ARMC2: variants seen among roughly 807,000 people sequenced by gnomAD.
ARMC2 encodes the protein armadillo repeat containing 2.
In ARMC2, 67 loss-of-function variants were observed where a neutral mutation model predicts 90.3. The observed-to-expected ratio is 0.74, with a 90% CI of 0.61 to 0.91. The LOEUF is 0.91. ARMC2 is among the 40% of genes least tolerant of loss of function. The probability of loss-of-function intolerance (pLI) is 0.00; values close to 1 mark genes in which losing one functional copy is unlikely to be tolerated. For synonymous variants in ARMC2, 393 were observed against 393.0 expected, an observed-to-expected ratio of 1.00 and a Z score of 0.00; for missense variants, 920 against 1,030.9, an observed-to-expected ratio of 0.89 and a Z score of 1.47.
chr6:109,000,548 T>G, the ARMC2 span: 2 of 1,611,398 alleles, frequency 1.2e-6, no homozygotes, highest in African/African-American at 2.7e-5. Context: ...TGTTAAGTTC[T>G]CCTAAATTCT....
the ARMC2 span, among the ~76,000 whole-genome samples, chr6:109,040,298 T>C: frequency 6.6e-6 from 1 of 152,006 alleles, no homozygotes; most frequent in Non-Finnish European, 1.5e-5. Flanking sequence ...AATACACCTT[T>C]TTGAACAAAT....
At chr6:108,924,462 G>A (rs1774916941) in intron 10 of ARMC2, among the ~76,000 whole-genome samples, 1 of 151,880 alleles carries the variant, frequency 6.6e-6, no homozygotes, top group African/African-American at 2.4e-5. Flanking sequence ...AGGTTGCAGT[G>A]AGCCGAGATC....
chr6:108,964,789 C>CAA, intron 16 of ARMC2, among the ~76,000 whole-genome samples, 191 bp from the exon 17 acceptor site: 1 of 132,476 alleles, frequency 7.5e-6, no homozygotes, highest in South Asian at 2.4e-4. Context: ...GACTCTGTCT[C>CAA]AAAAAAAAAA....
At chr6:108,970,273 G>T (rs1240222488) in intron 17 of ARMC2, among the ~76,000 whole-genome samples, 1 of 151,924 alleles carries the variant, frequency 6.6e-6, no homozygotes, top group Admixed American at 6.6e-5. Context: ...TTAACTATAG[G>T]CTGGGCCTCA....
In ARMC2 at chr6:108,881,511, T is replaced by C. The variant is rs538007877; in HGVS notation, c.671+5161T>C. ...AGCAAGAAACAGATTTCACTAAAAG[T>C]GAGTCTTTTAATTCAGAAAGATGTA... On this transcript the variant is annotated intron_variant, in intron 5 of 17. Transcript: ENST00000392644. Among the ~76,000 whole-genome samples the C allele has an allele frequency of 2.6e-5, 4 of 152,200 alleles. No individual in the cohort carries two copies. In the South Asian group the frequency reaches 8.3e-4, roughly 32 times the overall value.
At chr6:109,010,137 G>A in the ARMC2 span, among the ~76,000 whole-genome samples, 1 of 152,058 alleles carries the variant, frequency 6.6e-6, no homozygotes, top group Admixed American at 6.5e-5. Context: ...TCTCTGAATC[G>A]TCTTTTTTCC....
chr6:108,988,663 T>A, the ARMC2 span: 9 of 1,609,920 alleles, frequency 5.6e-6, no homozygotes, highest in Non-Finnish European at 7.6e-6. Flanking sequence ...GCTGGTTAAT[T>A]TCACCATAGT....
chr6:109,030,192 C>G, the ARMC2 span, among the ~76,000 whole-genome samples: 1 of 152,180 alleles, frequency 6.6e-6, no homozygotes, highest in Non-Finnish European at 1.5e-5. Context: ...AGAATCAGCA[C>G]TTTAGTACAT....
chr6:108,959,599 G>A (rs1339057592), intron 13 of ARMC2: 2 of 152,308 alleles, frequency 1.3e-5, no homozygotes, highest in African/African-American at 4.8e-5. Flanking sequence ...GCGGTGGCCT[G>A]TTCAAGCTGC....
chr6:109,042,639 T>C, the ARMC2 span, among the ~76,000 whole-genome samples: 2 of 151,834 alleles, frequency 1.3e-5, no homozygotes, highest in Non-Finnish European at 2.9e-5. Flanking sequence ...ATTCCCACCA[T>C]AACTCCATAA....
intron 13 of ARMC2, 116 bp downstream of exon 13, chr6:108,953,467 G>A (rs976182486): frequency 7.6e-6 from 8 of 1,051,726 alleles, no homozygotes; most frequent in Non-Finnish European, 1.1e-5. Flanking sequence ...CTCCCTATGA[G>A]AAAGTCTTAG....
chr6:109,040,655 ATCT>A, the ARMC2 span, among the ~76,000 whole-genome samples: 2 of 147,010 alleles, frequency 1.4e-5, no homozygotes, highest in African/African-American at 5.0e-5. Flanking sequence ...AACTAGCATA[ATCT>A]TTTTTTTTTT....
the ARMC2 span, among the ~76,000 whole-genome samples, chr6:108,980,776 C>G: frequency 1.3e-5 from 2 of 152,208 alleles, no homozygotes; most frequent in Admixed American, 1.3e-4. Flanking sequence ...CCAGTTCAAA[C>G]TTCCCAGTGG....
At chr6:109,019,243 T>A in the ARMC2 span, among the ~76,000 whole-genome samples, 2 of 152,152 alleles carry the variant, frequency 1.3e-5, no homozygotes, top group Non-Finnish European at 2.9e-5. Flanking sequence ...ATCTGTATCC[T>A]GGAACTCACA....
the ARMC2 span, chr6:108,988,678 A>G: frequency 2.2e-5 from 35 of 1,603,658 alleles, no homozygotes; most frequent in South Asian, 3.7e-4. Context: ...CATAGTCATA[A>G]TCATCATATC....
chr6:108,996,670 A>AT, the ARMC2 span, among the ~76,000 whole-genome samples: 2 of 152,140 alleles, frequency 1.3e-5, no homozygotes, highest in African/African-American at 4.8e-5. Flanking sequence ...TAATATTAAA[A>AT]TGTTAAAATT....
intron 10 of ARMC2, among the ~76,000 whole-genome samples, chr6:108,917,331 A>G (rs1774072720): frequency 6.6e-6 from 1 of 151,860 alleles, no homozygotes; most frequent in Admixed American, 6.6e-5. Context: ...CCCCTTGCTC[A>G]GTACCATACC....
intron 9 of ARMC2, 43 bp downstream of exon 9, chr6:108,911,044 G>C: frequency 8.1e-7 from 1 of 1,229,034 alleles, no homozygotes; most frequent in Non-Finnish European, 1.1e-6. Context: ...TGCTGTACTT[G>C]AGTAAAAATT....
At chr6:109,032,570 A>G in the ARMC2 span, among the ~76,000 whole-genome samples, 1 of 149,270 alleles carries the variant, frequency 6.7e-6, no homozygotes, top group Admixed American at 6.6e-5. Flanking sequence ...ATGAGCCGAG[A>G]TTGGGCCATT....
Sources: gnomAD v4.1 joint callset for allele counts (sites outside exome capture counted in the v4.1 genomes callset) on GRCh38, gnomAD v4.1.1 for gene constraint, MANE v1.5 for transcripts, NCBI Gene and HGNC (gene_info 2026-07-23, HGNC 2026-07-21) for gene names.